The following WDR59 variants were observed in gnomAD, a reference collection of about 807,000 sequenced individuals.
WDR59 encodes GATOR2 complex protein WDR59.
A neutral mutation model predicts 131.2 loss-of-function variants in WDR59; 100 were observed. That is an observed-to-expected ratio of 0.76 (90% CI 0.65 to 0.90). The LOEUF (loss-of-function observed/expected upper bound fraction) is 0.90. Among genes scored for constraint, WDR59 ranks in the 40% least tolerant of loss-of-function variants. The probability of loss-of-function intolerance (pLI) is 0.00; values close to 1 mark genes in which losing one functional copy is unlikely to be tolerated. For synonymous variants in WDR59, 601 were observed against 466.2 expected (o/e 1.29, Z -3.72); for missense variants, 1,203 against 1,262.2 (o/e 0.95, Z 0.71).
chr16:74,947,229 A>G (rs1043403669), intron 6 of WDR59, among the ~76,000 whole-genome samples: 2 of 152,178 alleles, frequency 1.3e-5, no homozygotes, highest in Admixed American at 1.3e-4. Context: ...CGGGTGGATC[A>G]CCTGAGGTCG....
At chr16:74,944,709 CTTT>C in intron 6 of WDR59, among the ~76,000 whole-genome samples, 1 of 152,182 alleles carries the variant, frequency 6.6e-6, no homozygotes, top group South Asian at 2.1e-4. Context: ...TCACTTGCCT[CTTT>C]TCCCCCAGGG....
intron 2 of WDR59, 119 bp downstream of exon 2, chr16:74,965,654 A>G: frequency 8.1e-7 from 1 of 1,233,156 alleles, no homozygotes. Context: ...ACAGGATATC[A>G]GAACTAAACC....
chr16:74,945,251 T>C (rs995577610), intron 6 of WDR59, among the ~76,000 whole-genome samples: 4 of 151,278 alleles, frequency 2.6e-5, no homozygotes, highest in South Asian at 4.2e-4. Flanking sequence ...CCGAGGCGGG[T>C]GGATCATGAG....
At chr16:74,874,749 G>A (rs569423856) in intron 25 of WDR59, among the ~76,000 whole-genome samples, 3 of 152,216 alleles carry the variant, frequency 2.0e-5, no homozygotes, top group South Asian at 2.1e-4. Flanking sequence ...CTGCCACCAC[G>A]CCCAGCTAAG....
chr16:74,903,356 A>G (rs1298313036), intron 18 of WDR59, among the ~76,000 whole-genome samples: 3 of 152,150 alleles, frequency 2.0e-5, no homozygotes, highest in African/African-American at 7.2e-5. Context: ...GTTGGCACCA[A>G]GGGTTTCTGA....
chr16:74,883,318 C>T (rs1281574779), intron 25 of WDR59, among the ~76,000 whole-genome samples: 6 of 152,058 alleles, frequency 3.9e-5, no homozygotes, highest in Admixed American at 6.6e-5. Context: ...TCACCGTACC[C>T]GGCCACACCC....
chr16:74,902,463 A>G (rs577957069), intron 18 of WDR59, among the ~76,000 whole-genome samples: 1 of 152,296 alleles, frequency 6.6e-6, no homozygotes, highest in South Asian at 2.1e-4. Flanking sequence ...CATCAAAAAC[A>G]TGGACACAGG....
rs1191949043 is a variant in WDR59, at chr16:74,913,074, G to T, written c.1225-712C>A. On this transcript the variant is annotated intron_variant, in intron 13 of 25. Transcript: ENST00000262144. ...GGCCAGTTTATGGCTAGATTTTGGG[G>T]GGGGGGGGGGCCTGTTCCCAACATG... Among the ~76,000 whole-genome samples the T allele has an allele frequency of 2.7e-4, 8 of 29,826 alleles. 1 individual carries two copies. Among genetic ancestry groups the T allele is most frequent in the African/African-American group, 3.5e-4 (6 of 17,082 alleles). The allele number at this position is 29,826 out of a possible 152,430, so 19.6% of individuals were successfully genotyped here. A position where few individuals can be genotyped will look rare whatever the true frequency, so the allele number is the denominator to read the frequency against.
intron 17 of WDR59, 160 bp from the exon 18 acceptor site, chr16:74,904,260 T>G (rs530556573): frequency 9.4e-5 from 74 of 790,730 alleles, no homozygotes; most frequent in Non-Finnish European, 1.4e-4. Context: ...AAAAATGCTT[T>G]ATCTGCACAA....
intron 13 of WDR59, among the ~76,000 whole-genome samples, chr16:74,914,004 C>T (rs1416355041): frequency 2.0e-5 from 3 of 152,146 alleles, no homozygotes; most frequent in Admixed American, 1.3e-4. Flanking sequence ...ATCAGGAGTT[C>T]GAGGCCAACC....
At chr16:74,957,891 G>C (rs1386309667) in intron 2 of WDR59, among the ~76,000 whole-genome samples, 2 of 152,026 alleles carry the variant, frequency 1.3e-5, no homozygotes, top group Admixed American at 6.6e-5. Context: ...GAAGATGGAG[G>C]GAGAAGAAGA....
intron 19 of WDR59, 135 bp from the exon 20 acceptor site, chr16:74,892,700 G>T: frequency 1.4e-6 from 1 of 703,442 alleles, no homozygotes; most frequent in Non-Finnish European, 2.3e-6. Flanking sequence ...GTTGGCCTTG[G>T]GCCCCCTTTC....
In WDR59 at chr16:74,882,807, CAAAAAAAAA is replaced by C. The variant is rs569507124; in HGVS notation, c.2689+2837_2689+2845del. Among the ~76,000 whole-genome samples the C allele has an allele frequency of 1.6e-4, 8 of 51,422 alleles. No homozygotes were observed. The East Asian group carries it at 6.0e-3, about 39-fold the overall frequency. 33.7% of individuals were successfully genotyped at this position (51,422 alleles called of 152,430 possible). A position where few individuals can be genotyped will look rare whatever the true frequency, so the allele number is the denominator to read the frequency against. ...CCTCGGCGACAGAGCAACACTGTCT[CAAAAAAAAA>C]AAAAAAAAAAAAAAAAGAAAGAAAG... On this transcript the variant is annotated intron_variant, in intron 25 of 25. Transcript: ENST00000262144.
At chr16:74,939,194 G>A (rs1410811510) in intron 7 of WDR59, among the ~76,000 whole-genome samples, 1 of 152,026 alleles carries the variant, frequency 6.6e-6, no homozygotes, top group Non-Finnish European at 1.5e-5. Context: ...TCTTGCCATG[G>A]CCTCCCAAAG....
chr16:74,960,004 A>G (rs888666018), intron 2 of WDR59, among the ~76,000 whole-genome samples: 1 of 150,964 alleles, frequency 6.6e-6, no homozygotes, highest in East Asian at 1.9e-4. Context: ...AATAGTTGAA[A>G]TTTTTTTTTT....
Position 74,978,488 on chromosome 16 carries a change from C to A in WDR59, c.54+6476G>T, listed in dbSNP as rs370728930. Reference sequence around the variant, plus strand: ...CCTGGGCAACTGAGAAAGATTCTGTCCCTTCAAAAAACAAAACAAAACAAA... The same window carrying A: ...CCTGGGCAACTGAGAAAGATTCTGTACCTTCAAAAAACAAAACAAAACAAA... On this transcript the variant is annotated intron_variant, in intron 1 of 25. Coordinates refer to ENST00000262144, the MANE Select transcript of WDR59 (RefSeq NM_030581.4). 3.3e-5 allele frequency among the ~76,000 whole-genome samples: 5 copies of A among 152,228 alleles called. No individual in the cohort carries two copies. The South Asian group carries it at 1.0e-3, about 32-fold the overall frequency.
intron 6 of WDR59, among the ~76,000 whole-genome samples, chr16:74,945,590 A>G (rs1389728855): frequency 6.6e-6 from 1 of 152,140 alleles, no homozygotes; most frequent in Non-Finnish European, 1.5e-5. Context: ...CTCTGCAGCC[A>G]GTCTATGTCT....
intron 2 of WDR59, chr16:74,962,959 C>G (rs902417875): frequency 1.3e-5 from 2 of 151,328 alleles, no homozygotes; most frequent in African/African-American, 2.4e-5. Flanking sequence ...CTAAATTACT[C>G]TATTATAAAG....
At chr16:74,880,441 T>C (rs975919583) in intron 25 of WDR59, among the ~76,000 whole-genome samples, 2 of 152,064 alleles carry the variant, frequency 1.3e-5, no homozygotes, top group African/African-American at 4.8e-5. Context: ...AGTGAGACTC[T>C]GTCTCCAAAA....
Sources: gnomAD v4.1 joint callset for allele counts (sites outside exome capture counted in the v4.1 genomes callset) on GRCh38, gnomAD v4.1.1 for gene constraint, MANE v1.5 for transcripts, NCBI Gene and HGNC (gene_info 2026-07-23, HGNC 2026-07-21) for gene names.